RAD54L2: variants seen among roughly 807,000 people sequenced by gnomAD.
RAD54L2 encodes the protein RAD54 like 2, also known as helicase ARIP4.
RAD54L2 carries 27 observed loss-of-function variants against 138.4 expected under a neutral mutation model. The observed-to-expected ratio is 0.20, with a 90% CI of 0.14 to 0.27. The LOEUF is 0.27. Among genes scored for constraint, RAD54L2 ranks in the 10% least tolerant of loss-of-function variants. The pLI is 1.00. For missense variants in RAD54L2, 1,396 were observed against 1,890.2 expected (o/e 0.74, Z 4.85); for synonymous variants, 644 against 723.2 (o/e 0.89, Z 1.76).
At chr3:51,558,786 A>T (rs1699031498) in intron 2 of RAD54L2, among the ~76,000 whole-genome samples, 1 of 151,824 alleles carries the variant, frequency 6.6e-6, no homozygotes, top group South Asian at 2.1e-4. Context: ...TTACTGTCCC[A>T]TAAGTGGAAT....
chr3:51,582,766 C>CTTTTTTTTTT (rs61245532), intron 2 of RAD54L2, among the ~76,000 whole-genome samples: 6 of 147,320 alleles, frequency 4.1e-5, no homozygotes, highest in African/African-American at 7.6e-5. Flanking sequence ...CCAGGGAAGT[C>CTTTTTTTTTT]TTTTTTTTTT....
chr3:51,627,652 A>G lies in RAD54L2; in HGVS notation c.239A>G (p.Glu80Gly), dbSNP rs1700722477. 1 of 1,603,356 alleles carries G rather than the reference A, an allele frequency of 6.2e-7. No homozygotes were observed. The highest frequency in any genetic ancestry group is 8.5e-7 in the Non-Finnish European group (1 of 1,175,268). The change falls in exon 4 of 23, where the codon GAG becomes GGG. Residue 80 changes from glutamate to glycine, a missense_variant. Coordinates refer to ENST00000684192, the MANE Select transcript of RAD54L2 (RefSeq NM_015106.4). ...ACTTCAACTACCTCATCTCAGTCTGAGCCTTCAGAGCAGCTTAGGCGCCAC... is the reference window on the plus strand; with the variant it reads ...ACTTCAACTACCTCATCTCAGTCTGGGCCTTCAGAGCAGCTTAGGCGCCAC... ...RCTSTTSSQS[E>G]PSEQLRRHQG...
rs1245996617 is a variant in RAD54L2, at chr3:51,668,539, TTA to T, written c.*5121_*5122del. 1 of 152,212 alleles carries T rather than the reference TTA, an allele frequency of 6.6e-6. No individual in the cohort carries two copies. Among genetic ancestry groups the T allele is most frequent in the Non-Finnish European group, 1.5e-5 (1 of 68,034 alleles). 9.4% of individuals were successfully genotyped at this position (152,212 alleles called of 1,614,324 possible). On this transcript the variant is annotated 3_prime_UTR_variant, in exon 23 of 23. Transcript: ENST00000684192. Reference sequence around the variant, plus strand: ...GCAACTGGCTGTTTCTATGACGTATTTATTTTTACTTGTGTTTCATGTCACTT... The same window carrying T: ...GCAACTGGCTGTTTCTATGACGTATTTTTTTACTTGTGTTTCATGTCACTT...
At chr3:51,570,749 C>A (rs959119960) in intron 2 of RAD54L2, among the ~76,000 whole-genome samples, 3 of 152,170 alleles carry the variant, frequency 2.0e-5, no homozygotes, top group African/African-American at 7.2e-5. Context: ...GCCACCGGTG[C>A]CCAGCCCTAT....
At chr3:51,655,137 G>A (rs1342743347) in intron 19 of RAD54L2, among the ~76,000 whole-genome samples, 1 of 152,102 alleles carries the variant, frequency 6.6e-6, no homozygotes, top group Non-Finnish European at 1.5e-5. Context: ...TCCAACAGCA[G>A]AGTGGTATAA....
Position 51,641,602 on chromosome 3 carries a change from C to T in RAD54L2, c.2232-147C>T, listed in dbSNP as rs1701138489. 7.1e-6 allele frequency: 4 copies of T among 561,064 alleles called. No homozygotes were observed. In the East Asian group the frequency reaches 1.2e-4, roughly 17 times the overall value. The allele number at this position is 561,064 out of a possible 1,614,324, so 34.8% of individuals were successfully genotyped here. On this transcript the variant is annotated intron_variant, in intron 14 of 22. Coordinates refer to ENST00000684192, the MANE Select transcript of RAD54L2 (RefSeq NM_015106.4). ...AAAGTGCTGGGATTATAGGCTTGAG[C>T]CACCGTGCCCAACCTAGAGTTACCT...
chr3:51,593,608 AG>A (rs2106717703), intron 3 of RAD54L2, among the ~76,000 whole-genome samples: 1 of 152,286 alleles, frequency 6.6e-6, no homozygotes, highest in African/African-American at 2.4e-5. Context: ...CTGGCATTAC[AG>A]GCGTGAGCCA....
chr3:51,640,598 C>G (rs1057101548), intron 14 of RAD54L2, among the ~76,000 whole-genome samples: 6 of 152,306 alleles, frequency 3.9e-5, no homozygotes, highest in Admixed American at 3.9e-4. Context: ...GTGGCAGGAG[C>G]CTGGCTCAGG....
intron 12 of RAD54L2, 80 bp from the exon 13 acceptor site, chr3:51,639,339 A>G (rs1053261319): frequency 2.9e-5 from 44 of 1,511,784 alleles, no homozygotes; most frequent in Non-Finnish European, 3.8e-5. Flanking sequence ...TGTTTGAGCA[A>G]GTATGTGTTT....
intron 3 of RAD54L2, among the ~76,000 whole-genome samples, chr3:51,594,566 T>A (rs546157987): frequency 7.2e-5 from 11 of 152,300 alleles, no homozygotes; most frequent in Middle Eastern, 6.8e-3. Context: ...TAGATTCTTA[T>A]AATCGCCTTT....
chr3:51,562,531 T>G (rs1002806822), intron 2 of RAD54L2, among the ~76,000 whole-genome samples: 3 of 152,032 alleles, frequency 2.0e-5, no homozygotes, highest in Non-Finnish European at 4.4e-5. Context: ...TGCCCTGCCA[T>G]TTTTTGTATT....
rs1701950931 is a variant in RAD54L2, at chr3:51,668,117, CAT to C, written c.*4698_*4699del. 2.0e-5 allele frequency: 3 copies of C among 152,274 alleles called. No individual in the cohort carries two copies. The highest frequency in any genetic ancestry group is 6.6e-5 in the Admixed American group (1 of 15,252). 9.4% of individuals were successfully genotyped at this position (152,274 alleles called of 1,614,324 possible). ...TGTGTGTGTGTTTGTGTGCTGTGCTCATGTGCACCTGGGTGTAAAATGACTGT... is the reference window on the plus strand; with the variant it reads ...TGTGTGTGTGTTTGTGTGCTGTGCTCGTGCACCTGGGTGTAAAATGACTGT... On this transcript the variant is annotated 3_prime_UTR_variant, in exon 23 of 23. Coordinates refer to ENST00000684192, the MANE Select transcript of RAD54L2 (RefSeq NM_015106.4).
chr3:51,606,992 TTTATTA>T (rs908513446), intron 3 of RAD54L2, among the ~76,000 whole-genome samples: 2 of 149,628 alleles, frequency 1.3e-5, no homozygotes, highest in Non-Finnish European at 1.5e-5. Context: ...TATTGTTTTA[TTTATTA>T]TTATTATTAT....
At chr3:51,567,433 CT>C (rs1699242190) in intron 2 of RAD54L2, among the ~76,000 whole-genome samples, 1 of 151,838 alleles carries the variant, frequency 6.6e-6, no homozygotes, top group Admixed American at 6.6e-5. Flanking sequence ...CCTCTCAGTA[CT>C]TTTTTTTGTT....
chr3:51,538,878 T>TGCGCGGTCCG lies in RAD54L2; in HGVS notation c.-147_-138dup, dbSNP rs1553670657. 1.3e-5 allele frequency among the ~76,000 whole-genome samples: 2 copies of TGCGCGGTCCG among 151,950 alleles called. No individual in the cohort carries two copies. Among genetic ancestry groups the TGCGCGGTCCG allele is most frequent in the Admixed American group, 6.6e-5 (1 of 15,264 alleles). ...AGCTGAACGTGAGGTCCCTCGGCCC[T>TGCGCGGTCCG]GCGCGGTCCGGCGCGGCCCGGAGCC... On this transcript the variant is annotated 5_prime_UTR_variant, in exon 1 of 23. Coordinates refer to ENST00000684192, the MANE Select transcript of RAD54L2 (RefSeq NM_015106.4).
At chr3:51,579,704 G>A (rs1699564203) in intron 2 of RAD54L2, among the ~76,000 whole-genome samples, 1 of 152,094 alleles carries the variant, frequency 6.6e-6, no homozygotes, top group Non-Finnish European at 1.5e-5. Context: ...CAGTTTAGGG[G>A]CATGTGTTCT....
At chr3:51,560,622 G>T (rs1317311667) in intron 2 of RAD54L2, among the ~76,000 whole-genome samples, 1 of 152,096 alleles carries the variant, frequency 6.6e-6, no homozygotes. Flanking sequence ...CTCCCAAAGT[G>T]CTGGGATTAC....
In RAD54L2 at chr3:51,663,374, A is replaced by T. The variant is rs2106863374; in HGVS notation, c.4358A>T (p.Asp1453Val). 1 of 1,613,834 alleles carries T rather than the reference A, an allele frequency of 6.2e-7. No individual in the cohort carries two copies. Among genetic ancestry groups the T allele is most frequent in the Middle Eastern group, 1.7e-4 (1 of 6,060 alleles). ...EVAEVGFSSN[D>V]DEDKDDDVIE... ...GCCGAGGTTGGGTTCAGCTCCAATG[A>T]TGATGAGGATAAAGACGATGATGTG... The change falls in exon 23 of 23, where the codon GAT (aspartate) becomes GTT (valine). Residue 1453 changes from aspartate to valine, a missense_variant. By Grantham distance (152) the Asp-to-Val change is radical. Around this residue, in one of 7 missense-constraint regions of RAD54L2, gnomAD observed 634 missense variants for 711.2 expected, o/e 0.89. Coordinates refer to ENST00000684192, the MANE Select transcript of RAD54L2 (RefSeq NM_015106.4).
chr3:51,647,063 T>A (rs1409467055), intron 19 of RAD54L2, among the ~76,000 whole-genome samples: 3 of 152,176 alleles, frequency 2.0e-5, no homozygotes, highest in Non-Finnish European at 4.4e-5. Context: ...TTTTTTTTTT[T>A]AATTTCAAGA....
Sources: gnomAD v4.1 joint callset for allele counts (sites outside exome capture counted in the v4.1 genomes callset) on GRCh38, gnomAD v4.1.1 for gene constraint, gnomAD v4.1.1 regional missense constraint, MANE v1.5 for transcripts, NCBI Gene and HGNC (gene_info 2026-07-23, HGNC 2026-07-21) for gene names.